SHC4: variants seen among roughly 807,000 people sequenced by gnomAD.
The protein encoded by SHC4 is SHC-transforming protein 4.
Under a neutral mutation model 69.4 loss-of-function variants are expected in SHC4, and 41 were observed. The observed-to-expected ratio is 0.59, with a 90% CI of 0.46 to 0.77. The LOEUF is 0.77. Among genes scored for constraint, SHC4 ranks in the 30% least tolerant of loss-of-function variants. The probability of loss-of-function intolerance (pLI) is 0.00; values close to 1 mark genes in which losing one functional copy is unlikely to be tolerated. For synonymous variants in SHC4, 318 were observed against 299.3 expected (o/e 1.06, Z -0.64); for missense variants, 777 against 783.8 (o/e 0.99, Z 0.10).
chr15:48,867,668 A>T (rs1899588525), intron 6 of SHC4, 150 bp downstream of exon 6: 2 of 599,746 alleles, frequency 3.3e-6, no homozygotes, highest in South Asian at 2.7e-5. Flanking sequence ...AGGGCAATTT[A>T]TTTCCAACTC....
chr15:48,891,412 C>G (rs141783591), intron 2 of SHC4, among the ~76,000 whole-genome samples: 128 of 152,266 alleles, frequency 8.4e-4, no homozygotes, highest in African/African-American at 3.0e-3. Flanking sequence ...CTTTTCTGCC[C>G]TTCCTATATA....
intron 4 of SHC4, among the ~76,000 whole-genome samples, chr15:48,881,160 C>G (rs544145205): frequency 6.6e-6 from 1 of 151,910 alleles, no homozygotes; most frequent in Admixed American, 6.6e-5. Context: ...TATAAATGTT[C>G]GCTTAGATCA....
chr15:48,915,311 A>G (rs933076990), intron 2 of SHC4, among the ~76,000 whole-genome samples: 5 of 152,238 alleles, frequency 3.3e-5, no homozygotes, highest in Non-Finnish European at 5.9e-5. Flanking sequence ...TGACTTTGTC[A>G]TGCTATCAGA....
chr15:48,929,398 T>C (rs963641596), intron 1 of SHC4, among the ~76,000 whole-genome samples: 1 of 152,204 alleles, frequency 6.6e-6, no homozygotes, highest in Admixed American at 6.5e-5. Flanking sequence ...TGAAAAGAGA[T>C]GACCTATCTT....
At chr15:48,918,736 G>A (rs1032204747) in intron 2 of SHC4, among the ~76,000 whole-genome samples, 3 of 152,134 alleles carry the variant, frequency 2.0e-5, no homozygotes, top group Non-Finnish European at 2.9e-5. Context: ...CATACAAAAC[G>A]TTATTTGAAA....
chr15:48,852,263 T>A (rs1361416199), intron 8 of SHC4, among the ~76,000 whole-genome samples: 1 of 152,078 alleles, frequency 6.6e-6, no homozygotes, highest in Non-Finnish European at 1.5e-5. Context: ...AGTGCTAATG[T>A]GGTGGTAGGG....
intron 10 of SHC4, among the ~76,000 whole-genome samples, chr15:48,837,018 A>T (rs1898911430): frequency 6.6e-6 from 1 of 152,154 alleles, no homozygotes; most frequent in Non-Finnish European, 1.5e-5. Flanking sequence ...ACTTCTAATG[A>T]GTAGCCATGT....
At chr15:48,848,040 CAT>C (rs1464933926) in intron 9 of SHC4, among the ~76,000 whole-genome samples, 1 of 140,366 alleles carries the variant, frequency 7.1e-6, no homozygotes, top group African/African-American at 2.6e-5. Context: ...ACAAAAAAAA[CAT>C]AAAAACATAT....
chr15:48,933,868 C>T (rs551764120), intron 1 of SHC4, among the ~76,000 whole-genome samples: 46 of 152,144 alleles, frequency 3.0e-4, no homozygotes, highest in African/African-American at 1.1e-3. Context: ...TGTTTTCAAC[C>T]GATGGCACCA....
At chr15:48,930,193 A>C (rs1900934405) in intron 1 of SHC4, among the ~76,000 whole-genome samples, 1 of 152,226 alleles carries the variant, frequency 6.6e-6, no homozygotes. Flanking sequence ...TGGAAGTGGG[A>C]GAGAGGCAGG....
intron 1 of SHC4, among the ~76,000 whole-genome samples, chr15:48,937,395 C>A (rs1388013263): frequency 2.0e-5 from 3 of 152,096 alleles, no homozygotes; most frequent in African/African-American, 7.2e-5. Context: ...AAAACTGATT[C>A]TCAGAGGTTC....
Position 48,905,285 on chromosome 15 carries a change from T to C in SHC4, c.657-14474A>G, listed in dbSNP as rs552902688. Among the ~76,000 whole-genome samples, 4 of 152,304 alleles carry C rather than the reference T, an allele frequency of 2.6e-5. No homozygotes were observed. In the East Asian group the frequency reaches 5.8e-4, roughly 22 times the overall value. On this transcript the variant is annotated intron_variant, in intron 2 of 11. Coordinates refer to ENST00000332408, the MANE Select transcript of SHC4 (RefSeq NM_203349.4). Reference sequence around the variant, plus strand: ...CTTCCAGCTCCAGGGACTGGGCTTCTGAGGAAAACCTTCAAGCCCAAAAAT... The same window carrying C: ...CTTCCAGCTCCAGGGACTGGGCTTCCGAGGAAAACCTTCAAGCCCAAAAAT...
intron 2 of SHC4, among the ~76,000 whole-genome samples, chr15:48,920,386 T>C (rs1363993425): frequency 6.6e-6 from 1 of 152,066 alleles, no homozygotes; most frequent in Non-Finnish European, 1.5e-5. Flanking sequence ...ATCTGAGTGA[T>C]GAATGATCAT....
intron 2 of SHC4, among the ~76,000 whole-genome samples, chr15:48,916,244 C>CTTGAAT (rs1900617387): frequency 6.6e-6 from 1 of 150,560 alleles, no homozygotes. Flanking sequence ...TCAGCTGCAT[C>CTTGAAT]TTGAATCTGC....
intron 2 of SHC4, among the ~76,000 whole-genome samples, chr15:48,902,566 C>G (rs1900336792): frequency 6.6e-6 from 1 of 152,276 alleles, no homozygotes; most frequent in East Asian, 1.9e-4. Flanking sequence ...ATGCTCACTT[C>G]TCATGGATCA....
At chr15:48,926,191 G>T (rs914863443) in intron 1 of SHC4, among the ~76,000 whole-genome samples, 1 of 152,144 alleles carries the variant, frequency 6.6e-6, no homozygotes, top group African/African-American at 2.4e-5. Context: ...GCTTTGCCAG[G>T]TGAGGCTGTG....
rs1444758708 is a variant in SHC4, at chr15:48,888,973, G to A, written c.720+1775C>T. ...AGTGGAGAGAAAAGAAAAGAAAAAAGCCTAAAGTGCTGGAAAGAGTCCCTG... is the reference window on the plus strand; with the variant it reads ...AGTGGAGAGAAAAGAAAAGAAAAAAACCTAAAGTGCTGGAAAGAGTCCCTG... On this transcript the variant is annotated intron_variant, in intron 3 of 11. Transcript: ENST00000332408. Among the ~76,000 whole-genome samples the A allele has an allele frequency of 2.0e-5, 3 of 150,714 alleles. No individual in the cohort carries two copies. The East Asian group carries it at 5.8e-4, about 29-fold the overall frequency.
intron 1 of SHC4, among the ~76,000 whole-genome samples, chr15:48,956,509 A>C (rs1030722329): frequency 6.6e-6 from 1 of 152,152 alleles, no homozygotes; most frequent in Admixed American, 6.5e-5. Context: ...AGTCAGACCT[A>C]GCTGGCCAGA....
chr15:48,884,277 G>A lies in SHC4; in HGVS notation c.811C>T (p.Leu271Phe). The A allele has an allele frequency of 6.2e-7, 1 of 1,609,514 alleles. No individual in the cohort carries two copies. The highest frequency in any genetic ancestry group is 8.5e-7 in the Non-Finnish European group (1 of 1,178,550). ...TGGTTGTCAAGATTCATCAATGTGAGACTGCATGTTGAGATGGTCAGTTTT... is the reference window on the plus strand; with the variant it reads ...TGGTTGTCAAGATTCATCAATGTGAAACTGCATGTTGAGATGGTCAGTTTT... ...NIKLTISTCS[L>F]TLMNLDNQQI... is the part of the protein sequence containing the mutation. Residue 271 changes from leucine (L) to phenylalanine (F), a missense_variant, in exon 4 of 12, where the codon CTC becomes TTC. By Grantham distance (22) the Leu-to-Phe change is conservative (BLOSUM62 0). Transcript: ENST00000332408.
Sources: gnomAD v4.1 joint callset for allele counts (sites outside exome capture counted in the v4.1 genomes callset) on GRCh38, gnomAD v4.1.1 for gene constraint, MANE v1.5 for transcripts, NCBI Gene and HGNC (gene_info 2026-07-23, HGNC 2026-07-21) for gene names.